Variants in NOS2 observed in about 807,000 individuals in gnomAD.
The protein encoded by NOS2 is nitric oxide synthase 2.
Under a neutral mutation model 136.0 loss-of-function variants are expected in NOS2, and 96 were observed. The observed-to-expected ratio is 0.71, with a 90% CI of 0.60 to 0.84. NOS2 has a LOEUF of 0.84. NOS2 is among the 40% of genes least tolerant of loss of function. NOS2 has a pLI of 0.00. For synonymous variants in NOS2, 539 were observed against 587.5 expected, an observed-to-expected ratio of 0.92 and a Z score of 1.20; for missense variants, 1,237 against 1,496.9, an observed-to-expected ratio of 0.83 and a Z score of 2.87.
intron 22 of NOS2, among the ~76,000 whole-genome samples, chr17:27,762,276 G>A (rs1365406602): frequency 6.6e-6 from 1 of 152,202 alleles, no homozygotes; most frequent in Admixed American, 6.5e-5. Flanking sequence ...GCTGATCTCT[G>A]TTGTATTTCC....
rs759894705 is a variant in NOS2, at chr17:27,757,278, G to A, written c.3430C>T (p.Gln1144Ter). ...GCTGACATCTCCAGGCTGCTGGGCT[G>A]CACCGCCACCCTGTCCTTCTTCGCC... ...YEAKKDRVAV[Q>*]PSSLEMSAL The change falls in exon 27 of 27, where the codon CAG becomes TAG. Residue 1144 changes from glutamine (Q) to a stop codon, truncating the protein, a stop_gained. Transcript: ENST00000313735. LOFTEE classifies it high-confidence loss of function. The A allele has an allele frequency of 1.9e-6, 3 of 1,613,980 alleles. No homozygotes were observed. The highest frequency in any genetic ancestry group is 3.3e-5 in the Admixed American group (2 of 60,004).
In NOS2 at chr17:27,765,263, C is replaced by T. The variant is rs1050996047; in HGVS notation, c.2428+272G>A. Among the ~76,000 whole-genome samples, 6 of 152,374 alleles carry T rather than the reference C, an allele frequency of 3.9e-5. 1 individual carries two copies. Among genetic ancestry groups the T allele is most frequent in the South Asian group, 4.1e-4 (2 of 4,834 alleles). The stretch of plus-strand genomic sequence containing the variant: ...ACGGCCTCCCAAAGTGCTGAGATTA[C>T]AGGCGTGAGCCACCACACCCAGCTC... On this transcript the variant is annotated intron_variant, in intron 20 of 26. Coordinates refer to ENST00000313735, the MANE Select transcript of NOS2 (RefSeq NM_000625.4).
Position 27,758,952 on chromosome 17 carries a change from G to C in NOS2, c.3283C>G (p.Leu1095Val). 1.2e-6 allele frequency: 2 copies of C among 1,612,686 alleles called. No homozygotes were observed. The highest frequency in any genetic ancestry group is 1.7e-6 in the Non-Finnish European group (2 of 1,179,412). ...AGCTTGGCAGCCACCAGCTGCTTCA[G>C]GGTGTGGGCCACGTCCCGGGCCATG... is the stretch of plus-strand genomic sequence containing the variant. ...VRMARDVAHT[L>V]KQLVAAKLKL... The change falls in exon 26 of 27, where the codon CTG becomes GTG. Residue 1095 changes from leucine to valine, a missense_variant. Transcript: ENST00000313735.
intron 2 of NOS2, 38 bp downstream of exon 2, chr17:27,798,662 A>C: frequency 7.5e-7 from 1 of 1,326,128 alleles, no homozygotes; most frequent in Non-Finnish European, 1.1e-6. Flanking sequence ...ATGGGTGCCC[A>C]AGGAGACAAG....
chr17:27,761,218 G>A lies in NOS2; in HGVS notation c.2814C>T (p.Pro938=). The A allele has an allele frequency of 1.9e-6, 3 of 1,607,600 alleles. No homozygotes were observed. Among genetic ancestry groups the A allele is most frequent in the Non-Finnish European group, 2.5e-6 (3 of 1,178,198 alleles). ...ATGTGCTGCAGACGCCGTGGTGCAG[G>A]GGACCCTGGCCATCTGCAACGATAC... ...VTYHTRDGQG[P]LHHGVCSTWL... Residue 938 remains proline, a synonymous_variant, in exon 23 of 27, where the codon CCC becomes CCT. Coordinates refer to ENST00000313735, the MANE Select transcript of NOS2 (RefSeq NM_000625.4).
intron 2 of NOS2, among the ~76,000 whole-genome samples, chr17:27,791,501 T>C (rs935523422): frequency 7.9e-5 from 12 of 152,086 alleles, no homozygotes; most frequent in African/African-American, 2.9e-4. Context: ...TTAGGTTGGG[T>C]GAGGCAGAAT....
chr17:27,757,529 C>T (rs1280188011), intron 26 of NOS2, among the ~76,000 whole-genome samples, 176 bp from the exon 27 acceptor site: 8 of 152,160 alleles, frequency 5.3e-5, no homozygotes, highest in African/African-American at 1.7e-4. Context: ...TGCTCTGGTG[C>T]GGGCCCTCTA....
chr17:27,782,852 G>A, intron 6 of NOS2, 92 bp downstream of exon 6: 2 of 1,287,234 alleles, frequency 1.6e-6, no homozygotes, highest in Non-Finnish European at 2.2e-6. Context: ...GTCCCAGGAG[G>A]CCTGGGCACA....
chr17:27,797,546 C>A (rs190268440), intron 2 of NOS2, among the ~76,000 whole-genome samples: 149 of 152,360 alleles, frequency 9.8e-4, no homozygotes, highest in Admixed American at 1.6e-3. Context: ...TTTTTTGCCG[C>A]CTCTGACAGA....
At chr17:27,793,922 T>C (rs1909274485) in intron 2 of NOS2, 1 of 364,228 alleles carries the variant, frequency 2.7e-6, no homozygotes, top group Non-Finnish European at 4.9e-6. Flanking sequence ...TGCCGCGGAG[T>C]TTGGATGGCA....
intron 18 of NOS2, 63 bp from the exon 19 acceptor site, chr17:27,766,651 C>T: frequency 1.5e-6 from 2 of 1,330,540 alleles, no homozygotes; most frequent in Non-Finnish European, 2.2e-6. Flanking sequence ...AGGGGAAGCC[C>T]CCAGATGTCT....
rs201238156 is a variant in NOS2 at position 27,779,043 on chromosome 17, G to A, written c.1018C>T (p.Arg340Trp). The change falls in exon 10 of 27, where the codon CGG becomes TGG. Residue 340 changes from arginine (R) to tryptophan (W), a missense_variant. By Grantham distance (101) the Arg-to-Trp change is moderately radical. Around this residue, in one of 3 missense-constraint regions of NOS2, gnomAD observed 440 missense variants for 545.4 expected, o/e 0.81. Coordinates refer to ENST00000313735, the MANE Select transcript of NOS2 (RefSeq NM_000625.4). ...AMEHPKYEWF[R>W]ELELKWYALP... ...GCGTACCACTTTAGCTCCAGTTCCCGAAACCACTCGTATCTGGCAAAAAGG... is the reference window on the plus strand; with the variant it reads ...GCGTACCACTTTAGCTCCAGTTCCCAAAACCACTCGTATCTGGCAAAAAGG... 24 of 1,530,434 alleles carry A rather than the reference G, an allele frequency of 1.6e-5. No individual in the cohort carries two copies. Among genetic ancestry groups the A allele is most frequent in the African/African-American group, 6.9e-5 (5 of 72,086 alleles). The allele number at this position is 1,530,434 out of a possible 1,614,324, so 94.8% of individuals were successfully genotyped here. A position where few individuals can be genotyped will look rare whatever the true frequency, so the allele number is the denominator to read the frequency against.
At chr17:27,773,072 C>G in intron 13 of NOS2, 89 bp downstream of exon 13, 2 of 994,588 alleles carry the variant, frequency 2.0e-6, no homozygotes, top group Non-Finnish European at 3.2e-6. Context: ...TCCTTGTGTT[C>G]TTGCCCTTCA....
chr17:27,769,232 A>G (rs1908410488), intron 16 of NOS2, 81 bp from the exon 17 acceptor site: 2 of 1,358,956 alleles, frequency 1.5e-6, no homozygotes, highest in African/African-American at 1.4e-5. Context: ...CAGCCTGGAG[A>G]GCCAGCCCCA....
In NOS2 at chr17:27,773,227, G is replaced by T. The variant is rs759691605; in HGVS notation, c.1493C>A (p.Thr498Asn). 3 of 1,613,950 alleles carry T rather than the reference G, an allele frequency of 1.9e-6. No individual in the cohort carries two copies. In the Admixed American group the frequency reaches 5.0e-5, roughly 27 times the overall value. Residue 498 changes from threonine to asparagine, a missense_variant, in exon 13 of 27, where the codon ACC becomes AAC. Physicochemically the swap from Thr to Asn is moderately conservative, Grantham distance 65. Around this residue, in one of 3 missense-constraint regions of NOS2, gnomAD observed 782 missense variants for 909.9 expected, o/e 0.86. Coordinates refer to ENST00000313735, the MANE Select transcript of NOS2 (RefSeq NM_000625.4). ...FYYYQVEAWKTHVWQDEKRRP... is the reference protein window; with the variant it reads ...FYYYQVEAWKNHVWQDEKRRP... The stretch of plus-strand genomic sequence containing the variant: ...CCGCTTCTCGTCCTGCCAGACATGG[G>T]TTTTCCAGGCCTCTACCTTCAGAAA...
At chr17:27,776,589 C>T (rs1278260041) in intron 11 of NOS2, among the ~76,000 whole-genome samples, 1 of 148,514 alleles carries the variant, frequency 6.7e-6, no homozygotes, top group Non-Finnish European at 1.5e-5. Context: ...AGGAGAATTG[C>T]TTGAACCCAG....
At chr17:27,780,456 G>A (rs1908805730) in intron 9 of NOS2, among the ~76,000 whole-genome samples, 1 of 152,176 alleles carries the variant, frequency 6.6e-6, no homozygotes, top group African/African-American at 2.4e-5. Flanking sequence ...GGCCTGGGCT[G>A]CTCCTTTCTA....
intron 11 of NOS2, among the ~76,000 whole-genome samples, chr17:27,775,235 G>C (rs1285028459): frequency 6.6e-6 from 1 of 152,146 alleles, no homozygotes; most frequent in African/African-American, 2.4e-5. Flanking sequence ...CGAGGTGGGA[G>C]GACTGCTTGA....
intron 5 of NOS2, among the ~76,000 whole-genome samples, chr17:27,784,133 A>AACACACACACACACACACACACAC (rs3838880): frequency 1.4e-5 from 2 of 147,004 alleles, no homozygotes; most frequent in Admixed American, 6.8e-5. Context: ...AAGGCTTTGA[A>AACACACACACACACACACACACAC]ACACACACAC....
Sources: allele counts gnomAD v4.1 joint callset (sites outside exome capture counted in the v4.1 genomes callset), GRCh38; gene constraint gnomAD v4.1.1; regional missense constraint gnomAD v4.1.1; transcripts MANE v1.5; gene names NCBI Gene and HGNC (gene_info 2026-07-23, HGNC 2026-07-21).